GTF2F2: variants seen among roughly 807,000 people sequenced by gnomAD.
The protein encoded by GTF2F2 is general transcription factor IIF subunit 2.
GTF2F2 carries 23 observed loss-of-function variants against 42.2 expected under a neutral mutation model. That is an observed-to-expected ratio of 0.55 (90% CI 0.39 to 0.77). GTF2F2 has a LOEUF of 0.77. GTF2F2 is among the 30% of genes least tolerant of loss of function. The pLI is 0.00. For synonymous variants in GTF2F2, 105 were observed against 100.8 expected, an observed-to-expected ratio of 1.04 and a Z score of -0.25; for missense variants, 261 against 287.2, an observed-to-expected ratio of 0.91 and a Z score of 0.66.
intron 1 of GTF2F2, among the ~76,000 whole-genome samples, chr13:45,130,039 G>C (rs920086982): frequency 6.6e-6 from 1 of 152,242 alleles, no homozygotes; most frequent in South Asian, 2.1e-4. Flanking sequence ...TGTGGTTTGA[G>C]TAAGGTGAGA....
At position 45,282,080 on chromosome 13, in the gene GTF2F2, A is replaced by G. The variant is rs377160288; in HGVS notation, c.631-1362A>G. On this transcript the variant is annotated intron_variant, in intron 7 of 7. Coordinates refer to ENST00000340473, the MANE Select transcript of GTF2F2 (RefSeq NM_004128.3). ...GCTGGGCGTGGTGGCATGCGCCTGT[A>G]ATCCCAGCTACTTGGGAGGAGGCAG... is the stretch of plus-strand genomic sequence containing the variant. Among the ~76,000 whole-genome samples the G allele has an allele frequency of 1.6e-4, 24 of 152,278 alleles. No individual in the cohort carries two copies. In the South Asian group the frequency reaches 2.5e-3, roughly 16 times the overall value.
chr13:45,214,427 A>G (rs535011411), intron 5 of GTF2F2, among the ~76,000 whole-genome samples: 5 of 152,292 alleles, frequency 3.3e-5, no homozygotes, highest in Admixed American at 2.6e-4. Context: ...AGATCCCCTC[A>G]CATAATAAAA....
intron 5 of GTF2F2, among the ~76,000 whole-genome samples, chr13:45,248,430 TTTTG>T (rs1193063029): frequency 1.9e-4 from 29 of 152,068 alleles, no homozygotes; most frequent in African/African-American, 6.8e-4. Context: ...TTGTTTTGTT[TTTTG>T]TTTTTTTGTT....
chr13:45,284,704 G>T lies in GTF2F2; in HGVS notation c.*1143G>T, dbSNP rs1481629985. On this transcript the variant is annotated 3_prime_UTR_variant, in exon 8 of 8. Coordinates refer to ENST00000340473, the MANE Select transcript of GTF2F2 (RefSeq NM_004128.3). Reference sequence around the variant, plus strand: ...AAAAGAGAAAAAATAATAAAAATAAGGAAGGAGCAATGCCAAAAATTGAAG... The same window carrying T: ...AAAAGAGAAAAAATAATAAAAATAATGAAGGAGCAATGCCAAAAATTGAAG... 2 of 152,034 alleles carry T rather than the reference G, an allele frequency of 1.3e-5. No homozygotes were observed. The highest frequency in any genetic ancestry group is 2.9e-5 in the Non-Finnish European group (2 of 68,020). The allele number at this position is 152,034 out of a possible 1,614,324, so 9.4% of individuals were successfully genotyped here.
chr13:45,270,919 C>A, intron 7 of GTF2F2, among the ~76,000 whole-genome samples: 1 of 152,220 alleles, frequency 6.6e-6, no homozygotes, highest in South Asian at 2.1e-4. Flanking sequence ...TGAACTTCAA[C>A]ACTCTGTTTT....
intron 6 of GTF2F2, among the ~76,000 whole-genome samples, chr13:45,256,283 C>A (rs1876100120): frequency 6.6e-6 from 1 of 152,102 alleles, no homozygotes; most frequent in African/African-American, 2.4e-5. Context: ...TAGTACCTTA[C>A]TGATTGTCTA....
chr13:45,164,121 AAT>A (rs933049601), intron 4 of GTF2F2, among the ~76,000 whole-genome samples: 8 of 152,176 alleles, frequency 5.3e-5, no homozygotes, highest in Non-Finnish European at 1.2e-4. Context: ...CTCTACTAAA[AAT>A]ACAAAAATTA....
At chr13:45,212,503 C>CTTTCTTTCT (rs1315654173) in intron 5 of GTF2F2, among the ~76,000 whole-genome samples, 6 of 100,908 alleles carry the variant, frequency 5.9e-5, no homozygotes, top group Admixed American at 5.7e-4. Flanking sequence ...TTCTTTCTTT[C>CTTTCTTTCT]TTTCTTTTCT....
chr13:45,233,210 CCA>C (rs1874776392), intron 5 of GTF2F2, among the ~76,000 whole-genome samples: 2 of 152,254 alleles, frequency 1.3e-5, no homozygotes, highest in African/African-American at 4.8e-5. Context: ...CTGCGAAAAG[CCA>C]CTGCATTCTA....
chr13:45,266,211 C>G (rs1233261324), intron 6 of GTF2F2, among the ~76,000 whole-genome samples: 1 of 152,050 alleles, frequency 6.6e-6, no homozygotes, highest in Non-Finnish European at 1.5e-5. Flanking sequence ...ATAGTAGATA[C>G]TGTATTTTTT....
At chr13:45,185,786 T>C (rs9534057) in intron 4 of GTF2F2, among the ~76,000 whole-genome samples, 25,079 of 152,176 alleles carry the variant, frequency 0.16, 2,470 homozygotes, top group Non-Finnish European at 0.22. Flanking sequence ...TTCTTCTGTT[T>C]GGTGTCTCTC....
chr13:45,140,805 A>G (rs1038310884), intron 2 of GTF2F2, among the ~76,000 whole-genome samples: 7 of 152,218 alleles, frequency 4.6e-5, no homozygotes, highest in African/African-American at 1.7e-4. Flanking sequence ...ATAAAATCTC[A>G]GGAATGTATG....
rs1555269184 is a variant in GTF2F2 at position 45,212,455 on chromosome 13, C to CTTTTCTTTTCT, written c.386+4953_386+4954insTCTTTTCTTTT. Among the ~76,000 whole-genome samples the CTTTTCTTTTCT allele has an allele frequency of 3.0e-4, 29 of 96,656 alleles. 1 individual carries two copies. In the East Asian group the frequency reaches 3.2e-3, roughly 11 times the overall value. 63.4% of individuals were successfully genotyped at this position (96,656 alleles called of 152,430 possible). A position where few individuals can be genotyped will look rare whatever the true frequency, so the allele number is the denominator to read the frequency against. ...TTCTTTCTTTCTTTCTTGTTTCTTT[C>CTTTTCTTTTCT]TTTCTTTCTTTCTTTCTTTCTTTCT... is the stretch of plus-strand genomic sequence containing the variant. On this transcript the variant is annotated intron_variant, in intron 5 of 7. Coordinates refer to ENST00000340473, the MANE Select transcript of GTF2F2 (RefSeq NM_004128.3).
chr13:45,181,265 CTCTTCT>C (rs936461254), intron 4 of GTF2F2, among the ~76,000 whole-genome samples: 8 of 151,118 alleles, frequency 5.3e-5, no homozygotes, highest in Admixed American at 3.3e-4. Context: ...ATACCTCCCT[CTCTTCT>C]TCTTCTTGCT....
intron 4 of GTF2F2, among the ~76,000 whole-genome samples, chr13:45,173,968 A>C (rs920113879): frequency 1.3e-5 from 2 of 152,154 alleles, no homozygotes; most frequent in Non-Finnish European, 2.9e-5. Flanking sequence ...AACAAGTACT[A>C]TATAAATGCT....
chr13:45,138,948 G>A (rs748487141), intron 2 of GTF2F2, among the ~76,000 whole-genome samples: 1 of 152,138 alleles, frequency 6.6e-6, no homozygotes, highest in Non-Finnish European at 1.5e-5. Flanking sequence ...GCCCGGCCGC[G>A]AGTGAAGATT....
At chr13:45,179,851 G>T (rs567452458) in intron 4 of GTF2F2, among the ~76,000 whole-genome samples, 1 of 152,080 alleles carries the variant, frequency 6.6e-6, no homozygotes, top group East Asian at 1.9e-4. Flanking sequence ...TAATTTACTC[G>T]AAATAACAGA....
At chr13:45,233,967 G>A (rs929817646) in intron 5 of GTF2F2, among the ~76,000 whole-genome samples, 2 of 152,142 alleles carry the variant, frequency 1.3e-5, no homozygotes, top group African/African-American at 4.8e-5. Flanking sequence ...AATAATATAG[G>A]AGTTTATGTT....
Position 45,151,799 on chromosome 13 carries a change from A to G in GTF2F2, c.272A>G (p.Gln91Arg). The change falls in exon 4 of 8, where the codon CAG becomes CGG. Residue 91 changes from glutamine to arginine, a missense_variant. Coordinates refer to ENST00000340473, the MANE Select transcript of GTF2F2 (RefSeq NM_004128.3). ...HPFVLQSVGGQTLTVFTESSS... is the reference protein window; with the variant it reads ...HPFVLQSVGGRTLTVFTESSS... Reference sequence around the variant, plus strand: ...TTTGTCTTGCAAAGTGTTGGAGGACAGACATTAACAGTATTTACTGAGAGC... The same window carrying G: ...TTTGTCTTGCAAAGTGTTGGAGGACGGACATTAACAGTATTTACTGAGAGC... 6.4e-7 allele frequency: 1 copy of G among 1,565,454 alleles called. No homozygotes were observed. Among genetic ancestry groups the G allele is most frequent in the South Asian group, 1.2e-5 (1 of 86,208 alleles).
Sources: gnomAD v4.1 joint callset for allele counts (sites outside exome capture counted in the v4.1 genomes callset) on GRCh38, gnomAD v4.1.1 for gene constraint, MANE v1.5 for transcripts, NCBI Gene and HGNC (gene_info 2026-07-23, HGNC 2026-07-21) for gene names.